Variants in TYMS observed in about 807,000 individuals in gnomAD.
TYMS encodes the protein thymidylate synthetase.
TYMS carries 21 observed loss-of-function variants against 39.3 expected under a neutral mutation model. The observed-to-expected ratio is 0.54, with a 90% CI of 0.38 to 0.77. The LOEUF (loss-of-function observed/expected upper bound fraction) is 0.77, where lower values mean the gene tolerates loss of function less well. Ranked by LOEUF, TYMS falls within the 30% of genes least tolerant of loss-of-function variation. The pLI is 0.00. For missense variants in TYMS, 273 were observed against 406.7 expected (o/e 0.67, Z 2.83); for synonymous variants, 171 against 162.2 (o/e 1.05, Z -0.41).
chr18:664,583 C>T (rs2144278752), intron 3 of TYMS, among the ~76,000 whole-genome samples: 1 of 134,434 alleles, frequency 7.4e-6, no homozygotes, highest in Non-Finnish European at 1.6e-5. Flanking sequence ...AGAGGGCATC[C>T]CTGTCTTGTG....
Position 657,661 on chromosome 18 carries a change from TGCCTCCGTCCCGCCGCGCCACTTGGCC to T in TYMS, c.-81_-55del. The T allele has an allele frequency of 3.0e-6, 1 of 338,866 alleles. No individual in the cohort carries two copies. The highest frequency in any genetic ancestry group is 4.1e-6 in the Non-Finnish European group (1 of 245,226). The allele number at this position is 338,866 out of a possible 1,614,324, so 21.0% of individuals were successfully genotyped here. ...GGTCCTGCCACCGCGCCACTTGGCC[TGCCTCCGTCCCGCCGCGCCACTTGGCC>T]TGCCTCCGTCCCGCCGCGCCACTTC... On this transcript the variant is annotated 5_prime_UTR_variant, in exon 1 of 7. Coordinates refer to ENST00000323274, the MANE Select transcript of TYMS (RefSeq NM_001071.4).
rs2074830389 is a variant in TYMS at position 666,911 on chromosome 18, ATGGTGATGGAGATGGT to A, written c.455-2160_455-2145del. 3.1e-5 allele frequency among the ~76,000 whole-genome samples: 2 copies of A among 65,342 alleles called. 1 individual carries two copies. Among genetic ancestry groups the A allele is most frequent in the Admixed American group, 4.5e-4 (2 of 4,416 alleles). 42.9% of individuals were successfully genotyped at this position (65,342 alleles called of 152,430 possible). On this transcript the variant is annotated intron_variant, in intron 3 of 6. Coordinates refer to ENST00000323274, the MANE Select transcript of TYMS (RefSeq NM_001071.4). ...TCGGGAGATGGTGATGGAGATGGTG[ATGGTGATGGAGATGGT>A]GATGGTGATGGAGATGGTGATGGTG...
Position 671,376 on chromosome 18 carries a change from A to G in TYMS, c.733-4A>G, listed in dbSNP as rs774926497. 1.2e-6 allele frequency: 2 copies of G among 1,603,312 alleles called. No homozygotes were observed. The highest frequency in any genetic ancestry group is 4.5e-5 in the East Asian group (2 of 44,854). Reference sequence around the variant, plus strand: ...CTGTTCTGCTTTCTCCCCCGGGTTTATAGCCAGGTGACTTTATACACACTT... The same window carrying G: ...CTGTTCTGCTTTCTCCCCCGGGTTTGTAGCCAGGTGACTTTATACACACTT... On this transcript the variant is annotated splice_region_variant and splice_polypyrimidine_tract_variant and intron_variant, in intron 5 of 6. Transcript: ENST00000323274.
At chr18:659,840 C>T in intron 2 of TYMS, 126 bp downstream of exon 2, 2 of 819,492 alleles carry the variant, frequency 2.4e-6, no homozygotes, top group South Asian at 1.5e-5. Flanking sequence ...CTTTGGGAGG[C>T]TGAGTCAGAT....
chr18:663,896 A>G (rs2074781547), intron 3 of TYMS, among the ~76,000 whole-genome samples: 1 of 110,692 alleles, frequency 9.0e-6, no homozygotes, highest in Non-Finnish European at 1.8e-5. Context: ...TGGTACCAGT[A>G]CCATACTGTT....
intron 6 of TYMS, 54 bp from the exon 7 acceptor site, chr18:672,806 A>T (rs911043193): frequency 6.6e-7 from 1 of 1,519,260 alleles, no homozygotes; most frequent in Non-Finnish European, 8.9e-7. Context: ...CATGAGGAGC[A>T]ATTACAACAG....
chr18:661,999 A>G (rs2074760907), intron 2 of TYMS, 147 bp from the exon 3 acceptor site: 1 of 770,216 alleles, frequency 1.3e-6, no homozygotes, highest in Admixed American at 2.7e-5. Context: ...AAAAAAAAGG[A>G]TGGGTTCCAT....
chr18:671,475 T>G (rs2075047397), intron 6 of TYMS, 24 bp downstream of exon 6: 1 of 1,524,212 alleles, frequency 6.6e-7, no homozygotes, highest in Middle Eastern at 1.7e-4. Flanking sequence ...GTTATACTTT[T>G]GGGTTTGGTA....
chr18:670,513 C>A, intron 4 of TYMS, 179 bp from the exon 5 acceptor site: 1 of 618,944 alleles, frequency 1.6e-6, no homozygotes, highest in Non-Finnish European at 2.8e-6. Flanking sequence ...GATGGATAGT[C>A]TCCCTCAGCT....
chr18:666,366 G>C (rs916885655), intron 3 of TYMS, among the ~76,000 whole-genome samples: 1 of 152,054 alleles, frequency 6.6e-6, no homozygotes, highest in Non-Finnish European at 1.5e-5. Flanking sequence ...GCTGTGAAGC[G>C]CAGTGCCAGG....
Position 667,487 on chromosome 18 carries a change from T to C in TYMS, c.455-1585T>C, listed in dbSNP as rs899791245. On this transcript the variant is annotated intron_variant, in intron 3 of 6. Coordinates refer to ENST00000323274, the MANE Select transcript of TYMS (RefSeq NM_001071.4). ...GAGATGGTGATGGTGATGGTGATGG[T>C]GATGGTGATGGAGATGGTGATGGTG... is the stretch of plus-strand genomic sequence containing the variant. 2.4e-4 allele frequency among the ~76,000 whole-genome samples: 7 copies of C among 28,970 alleles called. 2 individuals carry two copies. The highest frequency in any genetic ancestry group is 2.0e-3 in the African/African-American group (7 of 3,444). The allele number at this position is 28,970 out of a possible 152,430, so 19.0% of individuals were successfully genotyped here. A position where few individuals can be genotyped will look rare whatever the true frequency, so the allele number is the denominator to read the frequency against.
Position 673,041 on chromosome 18 carries a change from G to A in TYMS, c.*44G>A. 6.8e-7 allele frequency: 1 copy of A among 1,464,102 alleles called. No individual in the cohort carries two copies. The allele number at this position is 1,464,102 out of a possible 1,614,324, so 90.7% of individuals were successfully genotyped here. ...CGAAGGATATTGTCAGTCTTTAGGG[G>A]TTGGGCTGGATGCCGAGGTAAAAGT... On this transcript the variant is annotated 3_prime_UTR_variant, in exon 7 of 7. Transcript: ENST00000323274.
In TYMS at chr18:673,281, T is replaced by G; in HGVS notation, c.*284T>G. On this transcript the variant is annotated 3_prime_UTR_variant, in exon 7 of 7. Transcript: ENST00000323274. ...TGTATGTGCTCTTAGCAAAAACATG[T>G]ATGTGCATTTCAATCCCACGTACTT... The G allele has an allele frequency of 3.6e-6, 1 of 276,050 alleles. No homozygotes were observed. The highest frequency in any genetic ancestry group is 6.8e-6 in the Non-Finnish European group (1 of 146,412). The allele number at this position is 276,050 out of a possible 1,614,324, so 17.1% of individuals were successfully genotyped here. A position where few individuals can be genotyped will look rare whatever the true frequency, so the allele number is the denominator to read the frequency against.
chr18:667,009 GGT>G, intron 3 of TYMS, among the ~76,000 whole-genome samples: 1 of 7,224 alleles, frequency 1.4e-4, no homozygotes. Context: ...AGATGGTGAT[GGT>G]GATGGAGATG....
At position 667,992 on chromosome 18, in the gene TYMS, A is replaced by ATTTTTTT. The variant is rs60409589; in HGVS notation, c.455-1067_455-1061dup. ...AATTTTGTTTTACAGATTCACAGGAATTTTTTTTTTTTTTTTTTTAATGCA... is the reference window on the plus strand; with the variant it reads ...AATTTTGTTTTACAGATTCACAGGAATTTTTTTTTTTTTTTTTTTTTTTTTTAATGCA... On this transcript the variant is annotated intron_variant, in intron 3 of 6. Coordinates refer to ENST00000323274, the MANE Select transcript of TYMS (RefSeq NM_001071.4). 2.6e-4 allele frequency among the ~76,000 whole-genome samples: 27 copies of ATTTTTTT among 105,368 alleles called. 1 individual carries two copies. Among genetic ancestry groups the ATTTTTTT allele is most frequent in the African/African-American group, 8.7e-4 (19 of 21,856 alleles). The allele number at this position is 105,368 out of a possible 152,430, so 69.1% of individuals were successfully genotyped here. A position where few individuals can be genotyped will look rare whatever the true frequency, so the allele number is the denominator to read the frequency against.
In TYMS at chr18:658,274, G is replaced by A. The variant is rs759801692; in HGVS notation, c.205+327G>A. 4.2e-5 allele frequency: 60 copies of A among 1,441,228 alleles called. No homozygotes were observed. The highest frequency in any genetic ancestry group is 5.3e-5 in the Non-Finnish European group (57 of 1,076,826). The allele number at this position is 1,441,228 out of a possible 1,614,324, so 89.3% of individuals were successfully genotyped here. A position where few individuals can be genotyped will look rare whatever the true frequency, so the allele number is the denominator to read the frequency against. On this transcript the variant is annotated intron_variant, in intron 1 of 6. Transcript: ENST00000323274. This position sits in a 1 kb window ranked among gnomAD's most constrained non-coding sequence, Gnocchi z 4.5. ...GGGCAGCGTTTGCCCAGTGCTGGAG[G>A]GTTAGGGAGAGCTGCCTGGGCTTGA...
rs897610784 is a variant in TYMS at position 658,349 on chromosome 18, C to A, written c.205+402C>A. Reference sequence around the variant, plus strand: ...GCTTTGGCCCCTCCTCCGTTTTCCCCTGTGGACCATTCCGCTTCGCAGCGT... The same window carrying A: ...GCTTTGGCCCCTCCTCCGTTTTCCCATGTGGACCATTCCGCTTCGCAGCGT... On this transcript the variant is annotated intron_variant, in intron 1 of 6. Transcript: ENST00000323274. The surrounding 1 kb of genome is among the most constrained non-coding windows in gnomAD (Gnocchi z 4.5). The A allele has an allele frequency of 1.5e-4, 193 of 1,321,208 alleles. No homozygotes were observed. The highest frequency in any genetic ancestry group is 1.9e-4 in the Non-Finnish European group (187 of 1,008,160). The allele number at this position is 1,321,208 out of a possible 1,614,324, so 81.8% of individuals were successfully genotyped here. A position where few individuals can be genotyped will look rare whatever the true frequency, so the allele number is the denominator to read the frequency against.
intron 3 of TYMS, among the ~76,000 whole-genome samples, chr18:662,881 A>G (rs1475094402): frequency 5.4e-5 from 8 of 148,334 alleles, no homozygotes; most frequent in Admixed American, 4.7e-4. Flanking sequence ...TCCATGGTGT[A>G]TATGTGCCAC....
intron 3 of TYMS, among the ~76,000 whole-genome samples, 173 bp downstream of exon 3, chr18:662,493 C>T (rs1409908200): frequency 2.1e-5 from 3 of 142,464 alleles, no homozygotes; most frequent in Non-Finnish European, 4.5e-5. Flanking sequence ...TCATGAAGGC[C>T]GTTTCACACT....
Sources: gnomAD v4.1 joint callset for allele counts (sites outside exome capture counted in the v4.1 genomes callset) on GRCh38, gnomAD v4.1.1 for gene constraint, Gnocchi (gnomAD v3.1) non-coding constraint, MANE v1.5 for transcripts, NCBI Gene and HGNC (gene_info 2026-07-23, HGNC 2026-07-21) for gene names.